The following IL1RAP variants were observed in gnomAD, a reference collection of about 807,000 sequenced individuals.
The protein encoded by IL1RAP is interleukin-1 receptor accessory protein.
In IL1RAP, 35 loss-of-function variants were observed where a neutral mutation model predicts 60.7. The ratio of observed to expected loss-of-function variants is 0.58; its 90% confidence interval spans 0.44 to 0.76. IL1RAP has a LOEUF of 0.76. IL1RAP is among the 30% of genes least tolerant of loss of function. The pLI is 0.00. For missense variants in IL1RAP, 572 were observed against 693.9 expected, an observed-to-expected ratio of 0.82 and a Z score of 1.97; for synonymous variants, 268 against 250.9, an observed-to-expected ratio of 1.07 and a Z score of -0.64.
chr3:190,568,094 A>C (rs1348877898), intron 3 of IL1RAP, among the ~76,000 whole-genome samples: 1 of 152,194 alleles, frequency 6.6e-6, no homozygotes, highest in African/African-American at 2.4e-5. Context: ...TTGCTGGACA[A>C]ATCACATGAA....
chr3:190,530,148 G>A (rs558230432), intron 1 of IL1RAP, among the ~76,000 whole-genome samples: 38 of 152,098 alleles, frequency 2.5e-4, no homozygotes, highest in African/African-American at 8.4e-4. Flanking sequence ...AGTGAAGGAG[G>A]GAAACAGGAA....
intron 3 of IL1RAP, among the ~76,000 whole-genome samples, chr3:190,585,617 GC>G (rs1195859892): frequency 6.6e-5 from 10 of 152,072 alleles, no homozygotes; most frequent in African/African-American, 2.4e-5. Flanking sequence ...TTTGAGACCA[GC>G]CTGGGCAACA....
At chr3:190,638,518 A>G (rs1174381128) in intron 9 of IL1RAP, among the ~76,000 whole-genome samples, 1 of 152,138 alleles carries the variant, frequency 6.6e-6, no homozygotes, top group African/African-American at 2.4e-5. Flanking sequence ...GTCCTTTGTC[A>G]GACACATGTT....
chr3:190,653,416 A>G (rs1169448450), downstream of IL1RAP, among the ~76,000 whole-genome samples: 1 of 152,226 alleles, frequency 6.6e-6, no homozygotes, highest in Non-Finnish European at 1.5e-5. Flanking sequence ...TAAGATACAA[A>G]TAGGGATAAA....
At chr3:190,659,349 T>C (rs908326001) in exon 12 of IL1RAP, 9 of 152,140 alleles carry the variant, frequency 5.9e-5, no homozygotes, top group African/African-American at 2.2e-4. Flanking sequence ...ATAAGTGTAG[T>C]GGAAGCAGTA....
chr3:190,538,719 G>C (rs1453544726), intron 1 of IL1RAP, among the ~76,000 whole-genome samples: 1 of 152,050 alleles, frequency 6.6e-6, no homozygotes, highest in East Asian at 1.9e-4. Flanking sequence ...ATTTCATCTT[G>C]TAGTTCCCAT....
intron 1 of IL1RAP, among the ~76,000 whole-genome samples, chr3:190,539,410 A>G (rs1196819273): frequency 6.6e-6 from 1 of 152,114 alleles, no homozygotes; most frequent in Non-Finnish European, 1.5e-5. Context: ...ATGCTTTTCT[A>G]TCTTGTGATA....
intron 3 of IL1RAP, among the ~76,000 whole-genome samples, chr3:190,591,405 G>T (rs1577676565): frequency 6.6e-6 from 1 of 152,112 alleles, no homozygotes. Context: ...TAGAGCCCTG[G>T]TTTGGCCCCT....
downstream of IL1RAP, among the ~76,000 whole-genome samples, chr3:190,654,957 G>A (rs956209645): frequency 6.6e-6 from 1 of 152,162 alleles, no homozygotes; most frequent in Non-Finnish European, 1.5e-5. Flanking sequence ...TTTGCCAGAA[G>A]TCTTAGCTAC....
At chr3:190,599,552 A>G (rs1471629317) in intron 3 of IL1RAP, among the ~76,000 whole-genome samples, 2 of 151,160 alleles carry the variant, frequency 1.3e-5, no homozygotes, top group Admixed American at 6.6e-5. Flanking sequence ...TTTCTCTGCA[A>G]TTGTTTTGAA....
chr3:190,537,822 C>T (rs1468073140), intron 1 of IL1RAP, among the ~76,000 whole-genome samples: 5 of 152,076 alleles, frequency 3.3e-5, no homozygotes, highest in South Asian at 2.1e-4. Context: ...AAGACGTATA[C>T]GATTTCTCCA....
chr3:190,588,196 C>T (rs1006253820), intron 3 of IL1RAP, among the ~76,000 whole-genome samples: 6 of 152,180 alleles, frequency 3.9e-5, no homozygotes, highest in Non-Finnish European at 1.5e-5. Context: ...TCACTGCAAC[C>T]TCTGCCTCCT....
intron 3 of IL1RAP, 30 bp from the exon 4 acceptor site, chr3:190,604,098 G>T (rs1236857785): frequency 5.0e-6 from 8 of 1,602,146 alleles, no homozygotes; most frequent in Middle Eastern, 1.7e-4. Flanking sequence ...TGACTCATCT[G>T]CCCCTTTCTT....
At chr3:190,615,876 C>A (rs913534945) in intron 5 of IL1RAP, among the ~76,000 whole-genome samples, 1 of 152,160 alleles carries the variant, frequency 6.6e-6, no homozygotes, top group African/African-American at 2.4e-5. Context: ...AGTTCAAGGT[C>A]TGTGTAGTAA....
chr3:190,633,621 A>G (rs961699197), intron 9 of IL1RAP, among the ~76,000 whole-genome samples: 1 of 152,108 alleles, frequency 6.6e-6, no homozygotes, highest in Non-Finnish European at 1.5e-5. Context: ...CCTCCCTCCC[A>G]AAGTGCTGGG....
intron 1 of IL1RAP, among the ~76,000 whole-genome samples, chr3:190,520,254 C>G (rs3821744): frequency 6.6e-6 from 1 of 151,982 alleles, no homozygotes; most frequent in African/African-American, 2.4e-5. Context: ...CAAAATTGAA[C>G]GGATGATGGG....
intron 3 of IL1RAP, among the ~76,000 whole-genome samples, chr3:190,592,662 G>A (rs1729044475): frequency 6.6e-6 from 1 of 152,190 alleles, no homozygotes; most frequent in Admixed American, 6.5e-5. Context: ...GATACTGACT[G>A]CAAACTGCTC....
chr3:190,603,783 G>C (rs1730053595), intron 3 of IL1RAP, among the ~76,000 whole-genome samples: 1 of 152,134 alleles, frequency 6.6e-6, no homozygotes, highest in East Asian at 1.9e-4. Context: ...GTCTTTTTCA[G>C]TTACAATTTC....
At chr3:190,542,019 T>C (rs1200730727) in intron 1 of IL1RAP, among the ~76,000 whole-genome samples, 1 of 152,184 alleles carries the variant, frequency 6.6e-6, no homozygotes, top group African/African-American at 2.4e-5. Context: ...CTTAAGTCTG[T>C]GCAGTTCCCC....
Sources: gnomAD v4.1 joint callset for allele counts (sites outside exome capture counted in the v4.1 genomes callset) on GRCh38, gnomAD v4.1.1 for gene constraint, MANE v1.5 for transcripts, NCBI Gene and HGNC (gene_info 2026-07-23, HGNC 2026-07-21) for gene names.